Variants in WWOX observed in about 807,000 individuals in gnomAD.
WWOX encodes the protein WW domain-containing oxidoreductase.
Under a neutral mutation model 46.2 loss-of-function variants are expected in WWOX, and 69 were observed. That is an observed-to-expected ratio of 1.49 (90% CI 1.23 to 1.82). WWOX has a LOEUF of 1.82. Ranked by LOEUF, WWOX falls within the 40% of genes most tolerant of loss-of-function variation. The pLI, the probability that WWOX is intolerant of heterozygous loss-of-function variation, is 0.00. For missense variants in WWOX, 919 were observed against 542.6 expected (o/e 1.69, Z -6.89); for synonymous variants, 359 against 202.6 (o/e 1.77, Z -6.56).
intron 8 of WWOX, among the ~76,000 whole-genome samples, chr16:78,450,037 T>C (rs370967838): frequency 1.5e-5 from 2 of 130,826 alleles, no homozygotes; most frequent in African/African-American, 5.8e-5. Flanking sequence ...CTAAAAAAAA[T>C]AACCACCCGT....
At chr16:78,558,047 G>A (rs1472903001) in intron 8 of WWOX, among the ~76,000 whole-genome samples, 3 of 152,038 alleles carry the variant, frequency 2.0e-5, no homozygotes, top group African/African-American at 7.2e-5. Context: ...CCCTCAGTGA[G>A]CATTTGTTGA....
chr16:79,086,008 G>C (rs868758816), intron 8 of WWOX, among the ~76,000 whole-genome samples: 1 of 152,020 alleles, frequency 6.6e-6, no homozygotes, highest in African/African-American at 2.4e-5. Flanking sequence ...GGAGGTTGAG[G>C]CTGCAGTGAG....
chr16:78,654,452 C>T (rs957737180), intron 8 of WWOX, among the ~76,000 whole-genome samples: 17 of 152,294 alleles, frequency 1.1e-4, no homozygotes, highest in Middle Eastern at 3.4e-3. Context: ...ATGAACAAAA[C>T]AGATGTTATC....
rs557253329 is a variant in WWOX, at chr16:78,963,747, A to G, written c.1057-247861A>G. Among the ~76,000 whole-genome samples the G allele has an allele frequency of 3.3e-5, 5 of 152,302 alleles. No homozygotes were observed. In the South Asian group the frequency reaches 1.0e-3, roughly 32 times the overall value. On this transcript the variant is annotated intron_variant, in intron 8 of 8. Coordinates refer to ENST00000566780, the MANE Select transcript of WWOX (RefSeq NM_016373.4). ...CATATTGTTTTTTCCATTTTAAGAT[A>G]CAGAAAGTGGGCCTTAAAGGTGCTA...
intron 8 of WWOX, among the ~76,000 whole-genome samples, chr16:78,562,802 G>C (rs557956465): frequency 6.6e-6 from 1 of 152,296 alleles, no homozygotes; most frequent in South Asian, 2.1e-4. Context: ...GAGCTCTTCA[G>C]TGTCATCACA....
At chr16:78,825,131 A>G (rs569431056) in intron 8 of WWOX, 1 of 153,198 alleles carries the variant, frequency 6.5e-6, no homozygotes, top group Non-Finnish European at 1.5e-5. Flanking sequence ...AGTGAGTTTC[A>G]TAAGGTCATA....
At chr16:78,777,100 A>G (rs1342245465) in intron 8 of WWOX, among the ~76,000 whole-genome samples, 1 of 152,192 alleles carries the variant, frequency 6.6e-6, no homozygotes, top group African/African-American at 2.4e-5. Context: ...TAGGTCAGAA[A>G]AGTTTCAGTG....
At chr16:79,091,553 G>C (rs559401284) in intron 8 of WWOX, among the ~76,000 whole-genome samples, 1 of 152,202 alleles carries the variant, frequency 6.6e-6, no homozygotes, top group South Asian at 2.1e-4. Flanking sequence ...CTTGGAGAGA[G>C]GGTTTACTAA....
chr16:78,355,702 A>G (rs1380648164), intron 5 of WWOX: 5 of 742,164 alleles, frequency 6.7e-6, no homozygotes, highest in Middle Eastern at 2.9e-4. Context: ...ACGTGGAAGA[A>G]ACTGTGACTA....
intron 8 of WWOX, among the ~76,000 whole-genome samples, chr16:79,038,389 T>C (rs2047908455): frequency 1.3e-5 from 2 of 152,134 alleles, no homozygotes; most frequent in African/African-American, 4.8e-5. Flanking sequence ...AAAAATTCTG[T>C]GAGTCTAATT....
chr16:78,879,929 G>A (rs1012095531), intron 8 of WWOX, among the ~76,000 whole-genome samples: 2 of 151,728 alleles, frequency 1.3e-5, no homozygotes, highest in Non-Finnish European at 2.9e-5. Context: ...GGAATCTCTA[G>A]GGTCTCTGGT....
chr16:78,665,444 G>A (rs1427169524), intron 8 of WWOX, among the ~76,000 whole-genome samples: 1 of 152,126 alleles, frequency 6.6e-6, no homozygotes, highest in East Asian at 1.9e-4. Context: ...GGGCACATGG[G>A]AAGGCCGTAC....
chr16:78,209,688 G>T (rs747508404), intron 5 of WWOX, among the ~76,000 whole-genome samples: 7 of 150,916 alleles, frequency 4.6e-5, no homozygotes, highest in Non-Finnish European at 8.8e-5. Flanking sequence ...GAGCCTTACA[G>T]GTTAAAGGAG....
chr16:79,141,260 G>C (rs1049192987), intron 8 of WWOX, among the ~76,000 whole-genome samples: 25 of 152,136 alleles, frequency 1.6e-4, no homozygotes, highest in African/African-American at 5.3e-4. Context: ...CCTTTGCTCT[G>C]AGTTGTCCCA....
chr16:78,405,291 T>C (rs1252474199), intron 6 of WWOX, among the ~76,000 whole-genome samples: 1 of 152,162 alleles, frequency 6.6e-6, no homozygotes, highest in East Asian at 1.9e-4. Context: ...GGTAACTGTT[T>C]TGGATTATTT....
chr16:78,295,769 G>A (rs186096891), intron 5 of WWOX, among the ~76,000 whole-genome samples: 1 of 152,288 alleles, frequency 6.6e-6, no homozygotes, highest in Admixed American at 6.5e-5. Flanking sequence ...CAAATGAGCA[G>A]ACACCAGAAT....
chr16:78,435,357 C>G (rs1352445826), intron 8 of WWOX, among the ~76,000 whole-genome samples: 1 of 152,212 alleles, frequency 6.6e-6, no homozygotes, highest in East Asian at 1.9e-4. Context: ...TGCAGTCTCT[C>G]CTATTTCCCT....
At chr16:78,328,526 T>A (rs1040151041) in intron 5 of WWOX, among the ~76,000 whole-genome samples, 6 of 152,242 alleles carry the variant, frequency 3.9e-5, no homozygotes, top group Non-Finnish European at 8.8e-5. Context: ...GTAAGAATGC[T>A]GCAAAGGGTT....
intron 8 of WWOX, among the ~76,000 whole-genome samples, chr16:79,018,579 A>G (rs1228741326): frequency 6.6e-6 from 1 of 152,148 alleles, no homozygotes; most frequent in Non-Finnish European, 1.5e-5. Context: ...ATCCAATTAA[A>G]TAGATAATTG....
Sources: gnomAD v4.1 joint callset for allele counts (sites outside exome capture counted in the v4.1 genomes callset) on GRCh38, gnomAD v4.1.1 for gene constraint, MANE v1.5 for transcripts, NCBI Gene and HGNC (gene_info 2026-07-23, HGNC 2026-07-21) for gene names.